Variants in SERGEF observed in about 807,000 individuals in gnomAD.
The protein encoded by SERGEF is secretion-regulating guanine nucleotide exchange factor.
A neutral mutation model predicts 50.0 loss-of-function variants in SERGEF; 51 were observed. The ratio of observed to expected loss-of-function variants is 1.02; its 90% confidence interval spans 0.81 to 1.29. SERGEF has a LOEUF of 1.29. Among genes scored for constraint, SERGEF ranks in the 50% most tolerant of loss-of-function variants. The probability of loss-of-function intolerance (pLI) is 0.00; values close to 1 mark genes in which losing one functional copy is unlikely to be tolerated. For missense variants in SERGEF, 521 were observed against 557.0 expected (o/e 0.94, Z 0.65); for synonymous variants, 205 against 212.4 (o/e 0.97, Z 0.30).
intron 9 of SERGEF, among the ~76,000 whole-genome samples, chr11:17,923,413 G>T (rs1852194075): frequency 6.6e-6 from 1 of 152,164 alleles, no homozygotes; most frequent in African/African-American, 2.4e-5. Flanking sequence ...CTGAGGCCAA[G>T]AAAAAATTTC....
At chr11:17,906,705 C>T (rs971799501) in intron 9 of SERGEF, among the ~76,000 whole-genome samples, 8 of 152,050 alleles carry the variant, frequency 5.3e-5, no homozygotes, top group Non-Finnish European at 1.0e-4. Context: ...GATACTGCAG[C>T]CGGCAGTGCA....
intron 10 of SERGEF, among the ~76,000 whole-genome samples, chr11:17,839,459 T>C (rs1850461171): frequency 6.6e-6 from 1 of 152,110 alleles, no homozygotes; most frequent in Non-Finnish European, 1.5e-5. Context: ...GCAAGAAACA[T>C]GCCACTCTCA....
At position 17,873,971 on chromosome 11, in the gene SERGEF, G is replaced by A. The variant is rs929079231; in HGVS notation, c.1048+4237C>T. Among the ~76,000 whole-genome samples the A allele has an allele frequency of 2.6e-5, 4 of 152,206 alleles. 1 individual carries two copies. Among genetic ancestry groups the A allele is most frequent in the Admixed American group, 1.3e-4 (2 of 15,278 alleles). On this transcript the variant is annotated intron_variant, in intron 10 of 10. Coordinates refer to ENST00000265965, the MANE Select transcript of SERGEF (RefSeq NM_012139.4). ...AATTCATCCAGACACAGAGGTGAGG[G>A]GCCTGAAAGCAGAGCTGGATCTGGG...
At chr11:17,880,689 T>C (rs1395339451) in intron 9 of SERGEF, among the ~76,000 whole-genome samples, 1 of 151,890 alleles carries the variant, frequency 6.6e-6, no homozygotes, top group Non-Finnish European at 1.5e-5. Flanking sequence ...ATAAGTGTAA[T>C]GCAGTTACCA....
Position 17,959,609 on chromosome 11 carries a change from C to T in SERGEF, c.872G>A (p.Arg291Gln), listed in dbSNP as rs756819071. Reference protein sequence around the residue: ...TETGKMFTWGRADYGQLGRKL... With the variant: ...TETGKMFTWGQADYGQLGRKL... Reference sequence around the variant, plus strand: ...CCTCCCTAGCTGACCATAGTCTGCTCGGCCCCAGGTAAACATCTTGCCAGT... The same window carrying T: ...CCTCCCTAGCTGACCATAGTCTGCTTGGCCCCAGGTAAACATCTTGCCAGT... Residue 291 changes from arginine to glutamine, a missense_variant, in exon 9 of 11, where the codon CGA (arginine) becomes CAA (glutamine). By Grantham distance (43) the Arg-to-Gln change is conservative. Transcript: ENST00000265965. The T allele has an allele frequency of 1.6e-5, 26 of 1,612,690 alleles. 1 individual carries two copies. In the South Asian group the frequency reaches 2.0e-4, roughly 12 times the overall value.
chr11:17,987,867 T>C lies in SERGEF; in HGVS notation c.844+730A>G, dbSNP rs1348008730. 3.9e-5 allele frequency among the ~76,000 whole-genome samples: 6 copies of C among 152,162 alleles called. No homozygotes were observed. The South Asian group carries it at 6.2e-4, about 16-fold the overall frequency. On this transcript the variant is annotated intron_variant, in intron 8 of 10. Transcript: ENST00000265965. ...GAGAACCCCTGAAGCTCAGAATACT[T>C]TGACATGATAACAGATCTTGGGAAT...
At chr11:17,923,430 T>C (rs946659974) in intron 9 of SERGEF, among the ~76,000 whole-genome samples, 29 of 152,066 alleles carry the variant, frequency 1.9e-4, no homozygotes, top group African/African-American at 6.3e-4. Flanking sequence ...TTTCCTAGGA[T>C]GGAAATGCTC....
chr11:18,010,036 A>G, intron 1 of SERGEF: 1 of 908,436 alleles, frequency 1.1e-6, no homozygotes, highest in Non-Finnish European at 1.5e-6. Flanking sequence ...GAATCTTACT[A>G]AGATTTCAGA....
In SERGEF at chr11:17,888,539, G is replaced by C. The variant is rs556516116; in HGVS notation, c.1012-10295C>G. ...AGCCAGAATGCTCACTGTAGTTGAAGGAAACACAAATATAGAATGAGAGAA... is the reference window on the plus strand; with the variant it reads ...AGCCAGAATGCTCACTGTAGTTGAACGAAACACAAATATAGAATGAGAGAA... On this transcript the variant is annotated intron_variant, in intron 9 of 10. Transcript: ENST00000265965. The surrounding 1 kb of genome is among the most constrained non-coding windows in gnomAD (Gnocchi z 4.1). Among the ~76,000 whole-genome samples, 10 of 151,600 alleles carry C rather than the reference G, an allele frequency of 6.6e-5. No individual in the cohort carries two copies. Among genetic ancestry groups the C allele is most frequent in the Admixed American group, 1.3e-4 (2 of 15,206 alleles).
chr11:17,864,033 CAG>C (rs1850977110), intron 10 of SERGEF, among the ~76,000 whole-genome samples: 1 of 152,224 alleles, frequency 6.6e-6, no homozygotes, highest in African/African-American at 2.4e-5. Context: ...TAGGATAACA[CAG>C]AGAGTTATCA....
intron 1 of SERGEF, 177 bp downstream of exon 1, chr11:18,012,774 T>TGC: frequency 6.2e-4 from 800 of 1,284,588 alleles, no homozygotes; most frequent in Non-Finnish European, 7.9e-4. Context: ...GACCCTTCCT[T>TGC]CCCCGCCCGC....
At position 17,998,556 on chromosome 11, in the gene SERGEF, G is replaced by T. The variant is rs539243237; in HGVS notation, c.508+1941C>A. ...TGTGTGTGTGTGTGTGTATGTGTAT[G>T]TGTGTATTTATATACAGTCATGGGA... On this transcript the variant is annotated intron_variant, in intron 5 of 10. Coordinates refer to ENST00000265965, the MANE Select transcript of SERGEF (RefSeq NM_012139.4). Among the ~76,000 whole-genome samples the T allele has an allele frequency of 2.7e-5, 4 of 146,858 alleles. No homozygotes were observed. In the South Asian group the frequency reaches 6.5e-4, roughly 24 times the overall value.
chr11:17,901,948 A>G (rs1461836398), intron 9 of SERGEF, among the ~76,000 whole-genome samples: 1 of 152,204 alleles, frequency 6.6e-6, no homozygotes, highest in Non-Finnish European at 1.5e-5. Flanking sequence ...ACATAACTCA[A>G]TCTAACTCAC....
chr11:17,984,723 CAGTAGGTTA>C (rs1395996178), intron 8 of SERGEF, among the ~76,000 whole-genome samples: 2 of 152,184 alleles, frequency 1.3e-5, no homozygotes, highest in Non-Finnish European at 2.9e-5. Flanking sequence ...GTCACACAAT[CAGTAGGTTA>C]AGAGAGCTAA....
At chr11:17,802,264 C>T (rs1849683931) in intron 10 of SERGEF, among the ~76,000 whole-genome samples, 1 of 152,112 alleles carries the variant, frequency 6.6e-6, no homozygotes, top group African/African-American at 2.4e-5. Flanking sequence ...ATGAGGCAGC[C>T]CTGAAAGACC....
chr11:17,899,571 C>A (rs140548697), intron 9 of SERGEF, among the ~76,000 whole-genome samples: 1 of 152,258 alleles, frequency 6.6e-6, no homozygotes, highest in East Asian at 1.9e-4. Context: ...TCTCTAGCAG[C>A]AACAACAGGA....
chr11:17,957,678 A>G (rs557743862), intron 9 of SERGEF, among the ~76,000 whole-genome samples: 2 of 151,704 alleles, frequency 1.3e-5, no homozygotes, highest in Admixed American at 1.3e-4. Flanking sequence ...TGCCCTTGTC[A>G]TTGCATCCCC....
chr11:17,904,104 A>C (rs1221925565), intron 9 of SERGEF, among the ~76,000 whole-genome samples: 1 of 152,180 alleles, frequency 6.6e-6, no homozygotes. Flanking sequence ...AGCAAAGCCG[A>C]GGGAAGAGGA....
intron 10 of SERGEF, among the ~76,000 whole-genome samples, chr11:17,871,693 G>T: frequency 6.6e-6 from 1 of 152,094 alleles, no homozygotes; most frequent in East Asian, 1.9e-4. Context: ...ATGTAAAAAG[G>T]TACTCCACAT....
Sources: gnomAD v4.1 joint callset for allele counts (sites outside exome capture counted in the v4.1 genomes callset) on GRCh38, gnomAD v4.1.1 for gene constraint, Gnocchi (gnomAD v3.1) non-coding constraint, MANE v1.5 for transcripts, NCBI Gene and HGNC (gene_info 2026-07-23, HGNC 2026-07-21) for gene names.